The following EFCAB13 variants were observed in gnomAD, a reference collection of about 807,000 sequenced individuals.
The protein encoded by EFCAB13 is EF-hand calcium binding domain 13.
EFCAB13 carries 91 observed loss-of-function variants against 110.2 expected under a neutral mutation model. The ratio of observed to expected loss-of-function variants is 0.83; its 90% CI spans 0.70 to 0.98. EFCAB13 has a LOEUF of 0.98. Among genes scored for constraint, EFCAB13 ranks in the 50% least tolerant of loss-of-function variants. The pLI is 0.00. For missense variants in EFCAB13, 968 were observed against 1,119.4 expected (o/e 0.86, Z 1.93); for synonymous variants, 323 against 369.9 (o/e 0.87, Z 1.45).
chr17:47,422,556 CATG>C (rs1361856951), intron 23 of EFCAB13, among the ~76,000 whole-genome samples: 1 of 152,138 alleles, frequency 6.6e-6, no homozygotes, highest in Non-Finnish European at 1.5e-5. Flanking sequence ...CTGCTTGACA[CATG>C]ATCAATTTAA....
intron 24 of EFCAB13, among the ~76,000 whole-genome samples, chr17:47,439,753 T>C (rs925205715): frequency 1.2e-4 from 19 of 152,182 alleles, no homozygotes; most frequent in African/African-American, 4.3e-4. Flanking sequence ...GACATTTTAG[T>C]TCCTAATTAT....
chr17:47,440,642 G>C lies in EFCAB13; in HGVS notation c.2850G>C (p.Lys950Asn), dbSNP rs776915027. The C allele has an allele frequency of 6.2e-7, 1 of 1,608,246 alleles. No homozygotes were observed. Residue 950 changes from lysine (K) to asparagine (N), a missense_variant, in exon 25 of 25, where the codon AAG becomes AAC. Transcript: ENST00000331493. ...KQYNMNIKQH[K>N]ISLHNFCLNS... ...ACAATATGAATATAAAACAACACAA[G>C]ATTAGTTTACATAACTTCTGTTTGA...
chr17:47,404,027 C>T lies in EFCAB13; in HGVS notation c.2161+6C>T, dbSNP rs764375509. ...TCAATCAGATTTTGTTTCTGGTAAG[C>T]ATTTTAAATATTACTCTCAGGTTTT... On this transcript the variant is annotated splice_donor_region_variant and intron_variant, in intron 19 of 24. Coordinates refer to ENST00000331493, the MANE Select transcript of EFCAB13 (RefSeq NM_152347.5). The T allele has an allele frequency of 5.1e-6, 8 of 1,575,830 alleles. No individual in the cohort carries two copies. The highest frequency in any genetic ancestry group is 4.1e-5 in the African/African-American group (3 of 72,396).
chr17:47,409,917 G>A (rs950805205), intron 21 of EFCAB13, among the ~76,000 whole-genome samples: 3 of 151,946 alleles, frequency 2.0e-5, no homozygotes, highest in Non-Finnish European at 2.9e-5. Context: ...TCTTTCTAGC[G>A]TTATTTTGTA....
chr17:47,360,809 G>A (rs1436232685), intron 9 of EFCAB13, among the ~76,000 whole-genome samples: 4 of 152,094 alleles, frequency 2.6e-5, no homozygotes, highest in African/African-American at 9.7e-5. Flanking sequence ...TATATAAGGT[G>A]TAAGGAAGGG....
chr17:47,400,300 G>A (rs1209772629), intron 17 of EFCAB13, among the ~76,000 whole-genome samples: 3 of 152,132 alleles, frequency 2.0e-5, no homozygotes, highest in Non-Finnish European at 4.4e-5. Flanking sequence ...TCCTGTTTTG[G>A]TGGTTTAGCA....
chr17:47,408,611 C>G (rs2065817635), intron 20 of EFCAB13, among the ~76,000 whole-genome samples: 1 of 152,186 alleles, frequency 6.6e-6, no homozygotes, highest in African/African-American at 2.4e-5. Context: ...AAGATCACGT[C>G]ATTGCACTCC....
At chr17:47,359,074 T>C (rs2065495944) in intron 9 of EFCAB13, among the ~76,000 whole-genome samples, 1 of 152,234 alleles carries the variant, frequency 6.6e-6, no homozygotes, top group Non-Finnish European at 1.5e-5. Flanking sequence ...GGCTCATGCC[T>C]GTAGTCCCAG....
intron 9 of EFCAB13, among the ~76,000 whole-genome samples, chr17:47,348,904 A>G (rs540780045): frequency 2.6e-5 from 4 of 152,320 alleles, no homozygotes; most frequent in East Asian, 3.9e-4. Context: ...GGAAAAATTC[A>G]TACTTTTGAT....
intron 14 of EFCAB13, among the ~76,000 whole-genome samples, chr17:47,390,999 G>A (rs1428118324): frequency 6.6e-6 from 1 of 151,976 alleles, no homozygotes; most frequent in Non-Finnish European, 1.5e-5. Context: ...AAGCACAGTG[G>A]TACTATCATA....
intron 13 of EFCAB13, among the ~76,000 whole-genome samples, 163 bp downstream of exon 13, chr17:47,378,066 TC>T (rs1209104953): frequency 6.6e-6 from 1 of 152,182 alleles, no homozygotes; most frequent in Non-Finnish European, 1.5e-5. Flanking sequence ...AAAAAAAAAT[TC>T]CTTTAAGTTC....
At chr17:47,360,088 A>G (rs199765119) in intron 9 of EFCAB13, among the ~76,000 whole-genome samples, 5 of 152,062 alleles carry the variant, frequency 3.3e-5, no homozygotes, top group Non-Finnish European at 7.4e-5. Flanking sequence ...ATAAACAAAC[A>G]TGTGCATGTG....
chr17:47,379,309 G>A (rs2065633544), intron 14 of EFCAB13, 56 bp downstream of exon 14: 1 of 1,386,752 alleles, frequency 7.2e-7, no homozygotes, highest in African/African-American at 1.4e-5. Context: ...GTGTTGAGAA[G>A]AATTAGGTTC....
chr17:47,387,369 T>C (rs1196787220), intron 14 of EFCAB13, among the ~76,000 whole-genome samples: 1 of 152,206 alleles, frequency 6.6e-6, no homozygotes, highest in Non-Finnish European at 1.5e-5. Flanking sequence ...GTTGATTTTC[T>C]TTCTGGATCA....
intron 10 of EFCAB13, among the ~76,000 whole-genome samples, chr17:47,367,340 C>A (rs974382925): frequency 6.6e-6 from 1 of 152,192 alleles, no homozygotes; most frequent in Non-Finnish European, 1.5e-5. Context: ...GGACCCAACA[C>A]CAAAATGATA....
At chr17:47,425,810 A>G (rs78994662) in intron 23 of EFCAB13, among the ~76,000 whole-genome samples, 1 of 152,224 alleles carries the variant, frequency 6.6e-6, no homozygotes, top group East Asian at 1.9e-4. Flanking sequence ...AGTCTCACTT[A>G]TCCGTGATAT....
intron 12 of EFCAB13, among the ~76,000 whole-genome samples, chr17:47,375,656 C>T (rs2065611297): frequency 6.6e-6 from 1 of 152,118 alleles, no homozygotes; most frequent in Non-Finnish European, 1.5e-5. Context: ...TAATTCCTTT[C>T]CAGATGCCCT....
chr17:47,421,171 A>T (rs1445098419), intron 23 of EFCAB13, among the ~76,000 whole-genome samples: 2 of 152,030 alleles, frequency 1.3e-5, no homozygotes, highest in Non-Finnish European at 2.9e-5. Flanking sequence ...AGAACGGGCC[A>T]TGATGACAAT....
chr17:47,325,959 TATAGC>T (rs1362056402), intron 2 of EFCAB13, among the ~76,000 whole-genome samples: 3 of 135,044 alleles, frequency 2.2e-5, no homozygotes, highest in East Asian at 2.2e-4. Context: ...TATATATATA[TATAGC>T]ATATATATAT....
Sources: gnomAD v4.1 joint callset for allele counts (sites outside exome capture counted in the v4.1 genomes callset) on GRCh38, gnomAD v4.1.1 for gene constraint, MANE v1.5 for transcripts, NCBI Gene and HGNC (gene_info 2026-07-23, HGNC 2026-07-21) for gene names.